NXPE2: variants seen among roughly 807,000 people sequenced by gnomAD.
NXPE2 encodes NXPE family member 2.
Under a neutral mutation model 34.4 loss-of-function variants are expected in NXPE2, and 34 were observed. The observed-to-expected ratio is 0.99, with a 90% CI of 0.75 to 1.31. The LOEUF (loss-of-function observed/expected upper bound fraction) is 1.31. Ranked by LOEUF, NXPE2 falls within the 40% of genes most tolerant of loss-of-function variation. NXPE2 has a pLI of 0.00. For missense variants in NXPE2, 649 were observed against 672.5 expected (o/e 0.97, Z 0.39); for synonymous variants, 235 against 231.3 (o/e 1.02, Z -0.15).
At chr11:114,757,311 T>G in the NXPE2 span, among the ~76,000 whole-genome samples, 30 of 151,948 alleles carry the variant, frequency 2.0e-4, no homozygotes, top group Non-Finnish European at 4.1e-4. Context: ...TGTCCATCCT[T>G]TCATACTTAC....
At chr11:114,743,553 A>G in the NXPE2 span, among the ~76,000 whole-genome samples, 1 of 152,156 alleles carries the variant, frequency 6.6e-6, no homozygotes, top group African/African-American at 2.4e-5. Flanking sequence ...AGAATTTACA[A>G]AACTTGCATG....
At chr11:114,775,518 AG>A in the NXPE2 span, among the ~76,000 whole-genome samples, 1 of 152,190 alleles carries the variant, frequency 6.6e-6, no homozygotes, top group African/African-American at 2.4e-5. Context: ...ATTACCTTTC[AG>A]GGTGCACAGG....
the NXPE2 span, among the ~76,000 whole-genome samples, chr11:114,548,594 A>G: frequency 6.6e-6 from 1 of 152,054 alleles, no homozygotes; most frequent in Non-Finnish European, 1.5e-5. Flanking sequence ...AATAAAATCA[A>G]TTGGGTATTT....
chr11:114,584,091 G>T, the NXPE2 span: 31 of 296,300 alleles, frequency 1.0e-4, no homozygotes, highest in African/African-American at 5.5e-4. Context: ...ATCATCAAAG[G>T]GCATGCCAAG....
the NXPE2 span, among the ~76,000 whole-genome samples, chr11:114,608,976 G>C: frequency 6.6e-6 from 1 of 150,988 alleles, no homozygotes; most frequent in South Asian, 2.1e-4. Context: ...GTGTTGCCTC[G>C]TGGGTAACCA....
chr11:114,703,919 C>T, intron 3 of NXPE2, 72 bp from the exon 4 acceptor site: 1 of 1,052,050 alleles, frequency 9.5e-7, no homozygotes, highest in South Asian at 1.4e-5. Flanking sequence ...AGGTTTAATC[C>T]ATCTAAACCA....
chr11:114,797,261 CCTCTTAACTTCCTGGAACTG>C, the NXPE2 span, among the ~76,000 whole-genome samples: 15 of 152,276 alleles, frequency 9.9e-5, no homozygotes, highest in East Asian at 2.9e-3. Context: ...CAGTGTCCCT[CCTCTTAACTTCCTGGAACTG>C]CTCTTGAAAT....
At chr11:114,804,453 CAATT>C in the NXPE2 span, among the ~76,000 whole-genome samples, 1 of 152,212 alleles carries the variant, frequency 6.6e-6, no homozygotes, top group Non-Finnish European at 1.5e-5. Context: ...CATCAATAGA[CAATT>C]AACTTGCCAT....
chr11:114,488,967 CTAAT>C, the NXPE2 span, among the ~76,000 whole-genome samples: 1 of 151,844 alleles, frequency 6.6e-6, no homozygotes, highest in African/African-American at 2.4e-5. Context: ...GCTAGCAAGA[CTAAT>C]AAAGAAGAAA....
chr11:114,749,926 C>A, the NXPE2 span, among the ~76,000 whole-genome samples: 1 of 152,164 alleles, frequency 6.6e-6, no homozygotes, highest in Admixed American at 6.5e-5. Flanking sequence ...TCCTCTGATA[C>A]CCATGCCTGG....
the NXPE2 span, among the ~76,000 whole-genome samples, chr11:114,520,522 G>A: frequency 6.6e-6 from 1 of 152,068 alleles, no homozygotes; most frequent in Non-Finnish European, 1.5e-5. Context: ...CTATTGATGG[G>A]CACTTATGTT....
At chr11:114,742,519 C>G in the NXPE2 span, among the ~76,000 whole-genome samples, 1 of 152,132 alleles carries the variant, frequency 6.6e-6, no homozygotes, top group African/African-American at 2.4e-5. Context: ...CTTGGGAGAC[C>G]TAACGGGGTC....
the NXPE2 span, among the ~76,000 whole-genome samples, chr11:114,641,349 C>A: frequency 2.8e-3 from 420 of 152,108 alleles, 1 homozygote; most frequent in African/African-American, 8.9e-3. Flanking sequence ...TTCAAGTACA[C>A]ATGAAACCCA....
chr11:114,486,415 G>A, the NXPE2 span, among the ~76,000 whole-genome samples: 37 of 152,284 alleles, frequency 2.4e-4, no homozygotes, highest in Non-Finnish European at 4.6e-4. Flanking sequence ...TGTCAGGTGA[G>A]TAGGTTGCAA....
the NXPE2 span, among the ~76,000 whole-genome samples, chr11:114,538,487 C>T: frequency 4.1e-4 from 62 of 152,220 alleles, no homozygotes; most frequent in Non-Finnish European, 8.2e-4. Flanking sequence ...TCAGAGTGAA[C>T]AGGCAACCTA....
chr11:114,712,302 CA>C, the NXPE2 span, among the ~76,000 whole-genome samples: 1 of 152,014 alleles, frequency 6.6e-6, no homozygotes, highest in Non-Finnish European at 1.5e-5. Flanking sequence ...GGGACTACAT[CA>C]AACTTAAAAA....
At chr11:114,492,821 G>A in the NXPE2 span, among the ~76,000 whole-genome samples, 1 of 152,172 alleles carries the variant, frequency 6.6e-6, no homozygotes. Context: ...TTACAGGCAT[G>A]AGCCACTGCA....
At chr11:114,659,856 CAA>C in the NXPE2 span, among the ~76,000 whole-genome samples, 1 of 151,844 alleles carries the variant, frequency 6.6e-6, no homozygotes, top group Non-Finnish European at 1.5e-5. Context: ...AAAACAGAAA[CAA>C]AATAAAGTAA....
chr11:114,812,064 A>G, the NXPE2 span, among the ~76,000 whole-genome samples: 1 of 152,260 alleles, frequency 6.6e-6, no homozygotes, highest in African/African-American at 2.4e-5. Context: ...CAACGAAAGA[A>G]GCATATTATC....
Sources: allele counts gnomAD v4.1 joint callset (sites outside exome capture counted in the v4.1 genomes callset), GRCh38; gene constraint gnomAD v4.1.1; transcripts MANE v1.5; gene names NCBI Gene and HGNC (gene_info 2026-07-23, HGNC 2026-07-21).